Variants in PDE12 observed in about 807,000 individuals in gnomAD.
PDE12 encodes phosphodiesterase 12, also known as 2',5'-phosphodiesterase 12.
A neutral mutation model predicts 45.4 loss-of-function variants in PDE12; 26 were observed. The observed-to-expected ratio is 0.57, with a 90% CI of 0.42 to 0.79. The LOEUF is 0.79. Ranked by LOEUF, PDE12 falls within the 30% of genes least tolerant of loss-of-function variation. The pLI is 0.00. For missense variants in PDE12, 668 were observed against 790.0 expected (o/e 0.85, Z 1.85); for synonymous variants, 283 against 323.9 (o/e 0.87, Z 1.36).
At chr3:57,583,171 G>A in the PDE12 span, among the ~76,000 whole-genome samples, 1 of 152,190 alleles carries the variant, frequency 6.6e-6, no homozygotes, top group African/African-American at 2.4e-5. Context: ...GAACTTGCTA[G>A]AAATACAGAA....
chr3:57,632,723 T>A, the PDE12 span, among the ~76,000 whole-genome samples: 1 of 152,212 alleles, frequency 6.6e-6, no homozygotes, highest in Non-Finnish European at 1.5e-5. Context: ...TACTTTAATA[T>A]GACATCCTTC....
chr3:57,558,388 C>T (rs1327470810), intron 1 of PDE12, among the ~76,000 whole-genome samples: 2 of 152,192 alleles, frequency 1.3e-5, no homozygotes, highest in African/African-American at 2.4e-5. Context: ...CCCAGGTCTG[C>T]CTGACTCCAA....
the PDE12 span, among the ~76,000 whole-genome samples, chr3:57,599,035 C>T: frequency 6.6e-6 from 1 of 152,228 alleles, no homozygotes; most frequent in Non-Finnish European, 1.5e-5. Flanking sequence ...CTCAGGAGGT[C>T]TTGTAGACAT....
Position 57,566,447 on chromosome 3 carries a change from A to G in PDE12, c.*6443A>G, listed in dbSNP as rs1407923902. ...AATAATGCTGCCATAAACATTTGTG[A>G]TAAGTTTTTGAGTGAATATGTGTTT... is the stretch of plus-strand genomic sequence containing the variant. On this transcript the variant is annotated 3_prime_UTR_variant, in exon 3 of 3. Coordinates refer to ENST00000311180, the MANE Select transcript of PDE12 (RefSeq NM_177966.7). 3.3e-5 allele frequency: 5 copies of G among 152,238 alleles called. No homozygotes were observed. The highest frequency in any genetic ancestry group is 3.4e-3 in the Middle Eastern group (1 of 294). The allele number at this position is 152,238 out of a possible 1,614,324, so 9.4% of individuals were successfully genotyped here.
At chr3:57,608,635 CAAAG>C in the PDE12 span, among the ~76,000 whole-genome samples, 12 of 151,798 alleles carry the variant, frequency 7.9e-5, no homozygotes, top group East Asian at 3.9e-4. Context: ...TCAAAAGAGA[CAAAG>C]AAGGCCATTA....
At chr3:57,647,882 A>T in the PDE12 span, among the ~76,000 whole-genome samples, 1 of 151,804 alleles carries the variant, frequency 6.6e-6, no homozygotes, top group Non-Finnish European at 1.5e-5. Context: ...ATCCAACAAG[A>T]AGAATCAGAG....
chr3:57,583,497 A>C, the PDE12 span, among the ~76,000 whole-genome samples: 3 of 152,214 alleles, frequency 2.0e-5, no homozygotes, highest in African/African-American at 7.2e-5. Flanking sequence ...AACTGACTTT[A>C]CTGTATTTAA....
chr3:57,593,591 C>A, the PDE12 span, among the ~76,000 whole-genome samples: 1 of 152,162 alleles, frequency 6.6e-6, no homozygotes, highest in Non-Finnish European at 1.5e-5. Context: ...AGCTTTTCAA[C>A]AGGCAAGAAC....
chr3:57,628,139 C>CT, the PDE12 span: 1 of 1,553,666 alleles, frequency 6.4e-7, no homozygotes, highest in Non-Finnish European at 8.7e-7. Flanking sequence ...GAGAGATCTC[C>CT]TTTGTGCGTC....
chr3:57,577,419 A>C, the PDE12 span: 3 of 1,554,580 alleles, frequency 1.9e-6, no homozygotes, highest in Non-Finnish European at 2.7e-6. Flanking sequence ...AAATTTTAAC[A>C]GTTAAACGAC....
the PDE12 span, chr3:57,597,297 T>C: frequency 1.5e-6 from 1 of 664,880 alleles, no homozygotes. Context: ...CCTGTGCCGA[T>C]GAAGATCCGG....
chr3:57,605,042 T>C, the PDE12 span, among the ~76,000 whole-genome samples: 7 of 152,052 alleles, frequency 4.6e-5, no homozygotes, highest in East Asian at 1.9e-4. Context: ...GCAGCAAATA[T>C]GAAATAATGG....
chr3:57,557,894 G>A (rs1042742066), intron 1 of PDE12, among the ~76,000 whole-genome samples: 3 of 152,196 alleles, frequency 2.0e-5, no homozygotes, highest in African/African-American at 7.2e-5. Flanking sequence ...CCATACTGCA[G>A]GTTGCCTTGA....
chr3:57,564,887 CCCAGGCTGGTCTTGAAA>C lies in PDE12; in HGVS notation c.*4884_*4900del, dbSNP rs1307721420. On this transcript the variant is annotated 3_prime_UTR_variant, in exon 3 of 3. Coordinates refer to ENST00000311180, the MANE Select transcript of PDE12 (RefSeq NM_177966.7). The stretch of plus-strand genomic sequence containing the variant: ...AAAAAAAAATGGTTTCACCATGTTG[CCCAGGCTGGTCTTGAAA>C]TTCTCAGTTCAAGCAGTCCACCCAC... 1 of 151,108 alleles carries C rather than the reference CCCAGGCTGGTCTTGAAA, an allele frequency of 6.6e-6. No individual in the cohort carries two copies. Among genetic ancestry groups the C allele is most frequent in the African/African-American group, 2.4e-5 (1 of 41,010 alleles). 9.4% of individuals were successfully genotyped at this position (151,108 alleles called of 1,614,324 possible). A position where few individuals can be genotyped will look rare whatever the true frequency, so the allele number is the denominator to read the frequency against.
At chr3:57,645,903 A>G in the PDE12 span, 1 of 626,868 alleles carries the variant, frequency 1.6e-6, no homozygotes, top group Non-Finnish European at 2.7e-6. Flanking sequence ...ACAGAATTAG[A>G]AAGACAGATA....
rs1044804935 is a variant in PDE12 at position 57,556,413 on chromosome 3, C to G, written c.34C>G (p.Arg12Gly). The G allele has an allele frequency of 3.1e-6, 5 of 1,606,698 alleles. No homozygotes were observed. In the African/African-American group the frequency reaches 5.3e-5, roughly 17 times the overall value. ...WRLPGARAAL[R>G]VIRTAVEKLS... The stretch of plus-strand genomic sequence containing the variant: ...GCTCCCAGGCGCCCGCGCCGCGCTT[C>G]GGGTGATCCGGACGGCGGTGGAGAA... Residue 12 changes from arginine (R) to glycine (G), a missense_variant, in exon 1 of 3, where the codon CGG (arginine) becomes GGG (glycine). Coordinates refer to ENST00000311180, the MANE Select transcript of PDE12 (RefSeq NM_177966.7). The surrounding 1 kb of genome is among the most constrained non-coding windows in gnomAD (Gnocchi z 5.0).
At chr3:57,633,424 T>C in the PDE12 span, 1 of 1,226,794 alleles carries the variant, frequency 8.2e-7, no homozygotes, top group African/African-American at 1.5e-5. Context: ...ACTATCAGAT[T>C]CAATTGCTAT....
chr3:57,558,068 C>A (rs564512035), intron 1 of PDE12, among the ~76,000 whole-genome samples: 4 of 152,230 alleles, frequency 2.6e-5, no homozygotes, highest in Non-Finnish European at 4.4e-5. Flanking sequence ...TGAAGTGCTC[C>A]ATAAATATAA....
At chr3:57,573,559 G>T in the PDE12 span, among the ~76,000 whole-genome samples, 1 of 152,168 alleles carries the variant, frequency 6.6e-6, no homozygotes, top group Non-Finnish European at 1.5e-5. Context: ...TTTACAGTTA[G>T]TGTTGCTTGC....
Sources: gnomAD v4.1 joint callset for allele counts (sites outside exome capture counted in the v4.1 genomes callset) on GRCh38, gnomAD v4.1.1 for gene constraint, Gnocchi (gnomAD v3.1) non-coding constraint, MANE v1.5 for transcripts, NCBI Gene and HGNC (gene_info 2026-07-23, HGNC 2026-07-21) for gene names.